Variants in CNBD1 observed in about 807,000 individuals in gnomAD.
CNBD1 encodes cyclic nucleotide binding domain containing 1.
A neutral mutation model predicts 54.4 loss-of-function variants in CNBD1; 71 were observed. The ratio of observed to expected loss-of-function variants is 1.30; its 90% CI spans 1.08 to 1.59. The LOEUF is 1.59. Among genes scored for constraint, CNBD1 ranks in the 40% most tolerant of loss-of-function variants. The pLI is 0.00. For missense variants in CNBD1, 659 were observed against 518.0 expected, an observed-to-expected ratio of 1.27 and a Z score of -2.64; for synonymous variants, 182 against 170.7, an observed-to-expected ratio of 1.07 and a Z score of -0.51.
At position 87,414,597 on chromosome 8, in the gene CNBD1, A is replaced by G. The variant is rs962318471; in HGVS notation, c.214-13949A>G. Among the ~76,000 whole-genome samples the G allele has an allele frequency of 2.6e-5, 4 of 152,080 alleles. No individual in the cohort carries two copies. In the East Asian group the frequency reaches 5.8e-4, roughly 22 times the overall value. ...GTTAAGAAAGTAGGGGTTGGTTGGC[A>G]TATGCTAATGCTACAACTTATATCA... On this transcript the variant is annotated intron_variant, in intron 2 of 7. Transcript: ENST00000521593.
At chr8:87,279,885 T>G (rs542528441) in intron 6 of CNBD1, among the ~76,000 whole-genome samples, 1 of 150,974 alleles carries the variant, frequency 6.6e-6, no homozygotes, top group South Asian at 2.1e-4. Flanking sequence ...AGCCAACTTT[T>G]AAAGAGAAAT....
chr8:87,265,535 T>A (rs1586375820), intron 6 of CNBD1, among the ~76,000 whole-genome samples: 1 of 152,070 alleles, frequency 6.6e-6, no homozygotes, highest in Non-Finnish European at 1.5e-5. Flanking sequence ...GATAATGGGA[T>A]AATAATTTTA....
intron 4 of CNBD1, among the ~76,000 whole-genome samples, chr8:87,016,845 C>A (rs1809367196): frequency 1.3e-5 from 2 of 152,116 alleles, no homozygotes; most frequent in South Asian, 4.1e-4. Context: ...TTGCCCAACG[C>A]TCCCTATAAA....
Position 87,025,115 on chromosome 8 carries a change from T to C in CNBD1, c.431+85361T>C, listed in dbSNP as rs1189593870. On this transcript the variant is annotated intron_variant, in intron 4 of 10. Transcript: ENST00000518476. Reference sequence around the variant, plus strand: ...AGAACTTTTGTGTCTAGCTAAAGGATTGTAAATGCACCAATCAGCGCTCTG... The same window carrying C: ...AGAACTTTTGTGTCTAGCTAAAGGACTGTAAATGCACCAATCAGCGCTCTG... 2.6e-5 allele frequency among the ~76,000 whole-genome samples: 4 copies of C among 151,968 alleles called. No homozygotes were observed. In the East Asian group the frequency reaches 5.8e-4, roughly 22 times the overall value.
chr8:87,337,540 A>G (rs1382944791), intron 8 of CNBD1, among the ~76,000 whole-genome samples: 2 of 152,208 alleles, frequency 1.3e-5, no homozygotes, highest in Admixed American at 1.3e-4. Context: ...GGCCAATTCT[A>G]GCTGAGTGGC....
intron 4 of CNBD1, among the ~76,000 whole-genome samples, chr8:87,148,708 G>A (rs1030976333): frequency 1.3e-5 from 2 of 152,202 alleles, no homozygotes; most frequent in African/African-American, 2.4e-5. Flanking sequence ...CCCTGATGAA[G>A]AGGGATCTGG....
intron 4 of CNBD1, among the ~76,000 whole-genome samples, chr8:87,194,763 G>A (rs1385902855): frequency 6.6e-6 from 1 of 152,012 alleles, no homozygotes; most frequent in Admixed American, 6.6e-5. Context: ...TGAGGGACTG[G>A]AGTTATTTGA....
At chr8:87,315,194 C>A (rs1809358235) in intron 8 of CNBD1, among the ~76,000 whole-genome samples, 1 of 151,870 alleles carries the variant, frequency 6.6e-6, no homozygotes, top group South Asian at 2.1e-4. Context: ...AATAGTGTAA[C>A]AAATATTTTG....
intron 5 of CNBD1, among the ~76,000 whole-genome samples, chr8:87,228,890 G>C (rs895083710): frequency 6.6e-6 from 1 of 152,180 alleles, no homozygotes; most frequent in Non-Finnish European, 1.5e-5. Context: ...AGCAATCAGC[G>C]AGACTCTGTG....
chr8:87,399,270 G>A (rs1207622441), intron 2 of CNBD1, among the ~76,000 whole-genome samples: 1 of 151,924 alleles, frequency 6.6e-6, no homozygotes, highest in Non-Finnish European at 1.5e-5. Context: ...CCAAATATGT[G>A]CTTGTCGTGA....
intron 4 of CNBD1, among the ~76,000 whole-genome samples, chr8:87,069,167 T>G (rs779125309): frequency 2.6e-5 from 4 of 152,082 alleles, no homozygotes; most frequent in Non-Finnish European, 5.9e-5. Context: ...TTGTATTACT[T>G]GATAGCTTTG....
intron 4 of CNBD1, among the ~76,000 whole-genome samples, chr8:87,133,134 C>G (rs1051510436): frequency 7.2e-5 from 11 of 151,858 alleles, no homozygotes; most frequent in African/African-American, 2.7e-4. Flanking sequence ...TGCTAAGATT[C>G]CTTTTTTTTC....
intron 4 of CNBD1, among the ~76,000 whole-genome samples, chr8:87,011,602 T>TA (rs143668821): frequency 0.061 from 9,347 of 152,176 alleles, 924 homozygotes; most frequent in African/African-American, 0.21. Flanking sequence ...AAAAATGTTG[T>TA]AAAAAAATCT....
At chr8:87,305,403 C>G (rs538191850) in intron 8 of CNBD1, among the ~76,000 whole-genome samples, 3 of 151,984 alleles carry the variant, frequency 2.0e-5, no homozygotes, top group Non-Finnish European at 4.4e-5. Context: ...TTAGAAAAAA[C>G]AATTCTAAAA....
At chr8:87,415,290 G>A (rs1018951782) in intron 2 of CNBD1, among the ~76,000 whole-genome samples, 2 of 151,904 alleles carry the variant, frequency 1.3e-5, no homozygotes, top group African/African-American at 4.8e-5. Flanking sequence ...TCTAGGTTGA[G>A]TTCCAAGAAT....
intron 4 of CNBD1, among the ~76,000 whole-genome samples, chr8:86,981,801 G>C (rs771421698): frequency 6.6e-6 from 1 of 152,048 alleles, no homozygotes; most frequent in African/African-American, 2.4e-5. Context: ...TCATCCATTA[G>C]ACAAGTTATG....
chr8:87,161,505 G>T (rs1423513159), intron 4 of CNBD1, among the ~76,000 whole-genome samples: 1 of 152,068 alleles, frequency 6.6e-6, no homozygotes, highest in Non-Finnish European at 1.5e-5. Context: ...ATAAAATATG[G>T]ATGACCTGTT....
chr8:87,267,170 A>T (rs375608139), intron 6 of CNBD1, among the ~76,000 whole-genome samples: 15 of 152,322 alleles, frequency 9.8e-5, no homozygotes, highest in African/African-American at 3.4e-4. Context: ...GGACAATATA[A>T]TGAAAATTAC....
chr8:87,353,624 T>C lies in CNBD1; in HGVS notation c.1153-12T>C. On this transcript the variant is annotated splice_polypyrimidine_tract_variant and intron_variant, in intron 9 of 10. Coordinates refer to ENST00000518476, the MANE Select transcript of CNBD1 (RefSeq NM_173538.3). ...AGTTGCATTAAACATCAATAATATA[T>C]TTTTTTAACAGAAAAGATCTCAAAA... The C allele has an allele frequency of 6.6e-7, 1 of 1,525,356 alleles. No homozygotes were observed. Among genetic ancestry groups the C allele is most frequent in the Non-Finnish European group, 8.9e-7 (1 of 1,118,932 alleles). The allele number at this position is 1,525,356 out of a possible 1,614,324, so 94.5% of individuals were successfully genotyped here. A position where few individuals can be genotyped will look rare whatever the true frequency, so the allele number is the denominator to read the frequency against.
Sources: allele counts gnomAD v4.1 joint callset (sites outside exome capture counted in the v4.1 genomes callset), GRCh38; gene constraint gnomAD v4.1.1; transcripts MANE v1.5; gene names NCBI Gene and HGNC (gene_info 2026-07-23, HGNC 2026-07-21).